Variants in JAKMIP2 observed in about 807,000 individuals in gnomAD.
JAKMIP2 encodes janus kinase and microtubule interacting protein 2.
A neutral mutation model predicts 115.0 loss-of-function variants in JAKMIP2; 25 were observed. That is an observed-to-expected ratio of 0.22 (90% CI 0.16 to 0.30). The LOEUF (loss-of-function observed/expected upper bound fraction) is 0.30, where lower values mean the gene tolerates loss of function less well. Among genes scored for constraint, JAKMIP2 ranks in the 10% least tolerant of loss-of-function variants. JAKMIP2 has a pLI of 1.00. For synonymous variants in JAKMIP2, 334 were observed against 343.6 expected (o/e 0.97, Z 0.31); for missense variants, 642 against 957.6 (o/e 0.67, Z 4.35).
intron 14 of JAKMIP2, 146 bp from the exon 15 acceptor site, chr5:147,629,892 AT>A: frequency 3.2e-6 from 2 of 629,698 alleles, no homozygotes; most frequent in East Asian, 5.6e-5. Context: ...TTAAGTTTCA[AT>A]TTTGCTTCTT....
At position 147,678,959 on chromosome 5, in the gene JAKMIP2, T is replaced by TTTTATTTA. The variant is rs60338770; in HGVS notation, c.-148-7013_-148-7006dup. On this transcript the variant is annotated intron_variant, in intron 1 of 21. Transcript: ENST00000616793. ...ATACTGTTTTGATGTCCAACTACAT[T>TTTTATTTA]TTTATTTATTTATTTATTTATTTAT... Among the ~76,000 whole-genome samples, 149 of 148,002 alleles carry TTTTATTTA rather than the reference T, an allele frequency of 1.0e-3. 1 individual carries two copies. Among genetic ancestry groups the TTTTATTTA allele is most frequent in the Middle Eastern group, 3.4e-3 (1 of 292 alleles).
chr5:147,636,355 T>C, intron 11 of JAKMIP2, 71 bp from the exon 12 acceptor site: 1 of 1,300,738 alleles, frequency 7.7e-7, no homozygotes, highest in Non-Finnish European at 1.1e-6. Context: ...GTCAAACCAC[T>C]TTGCCAGAGC....
intron 1 of JAKMIP2, among the ~76,000 whole-genome samples, chr5:147,765,312 G>C (rs1561583144): frequency 6.6e-6 from 1 of 152,036 alleles, no homozygotes; most frequent in South Asian, 2.1e-4. Context: ...TTAGTAGATA[G>C]GACATGAAGA....
intron 1 of JAKMIP2, among the ~76,000 whole-genome samples, chr5:147,674,092 A>G (rs889077508): frequency 1.3e-5 from 2 of 152,220 alleles, no homozygotes; most frequent in South Asian, 4.1e-4. Flanking sequence ...CAAAACTAGC[A>G]TAACTAATGC....
chr5:147,733,055 A>G (rs533719442), intron 1 of JAKMIP2, among the ~76,000 whole-genome samples: 3 of 152,144 alleles, frequency 2.0e-5, no homozygotes, highest in Non-Finnish European at 4.4e-5. Flanking sequence ...TTAGGTGAGG[A>G]TTTTTTCAAT....
intron 19 of JAKMIP2, 120 bp from the exon 20 acceptor site, chr5:147,612,491 G>A: frequency 1.7e-6 from 1 of 587,176 alleles, no homozygotes; most frequent in Non-Finnish European, 3.0e-6. Flanking sequence ...ACAAGCAGCT[G>A]GAAACATCGC....
intron 5 of JAKMIP2, among the ~76,000 whole-genome samples, chr5:147,645,325 G>A (rs1758083328): frequency 6.6e-6 from 1 of 152,062 alleles, no homozygotes; most frequent in Non-Finnish European, 1.5e-5. Context: ...ACTCCACCGT[G>A]CTCAGCTGCA....
rs1263856819 is a variant in JAKMIP2, at chr5:147,609,012, G to A, written c.2412+3294C>T. On this transcript the variant is annotated intron_variant, in intron 20 of 21. Transcript: ENST00000616793. ...GAATTGCAACCCCAGCTTTTTTTTT[G>A]CTTTCCATTTGCTTGGTAAATCTTT... is the stretch of plus-strand genomic sequence containing the variant. Among the ~76,000 whole-genome samples, 3 of 97,270 alleles carry A rather than the reference G, an allele frequency of 3.1e-5. No homozygotes were observed. The East Asian group carries it at 9.5e-4, about 31-fold the overall frequency. 63.8% of individuals were successfully genotyped at this position (97,270 alleles called of 152,430 possible).
At chr5:147,692,524 T>C (rs1191861049) in intron 1 of JAKMIP2, among the ~76,000 whole-genome samples, 2 of 152,242 alleles carry the variant, frequency 1.3e-5, no homozygotes, top group African/African-American at 4.8e-5. Context: ...CTAAATAACA[T>C]GTATCACAGC....
At chr5:147,781,588 CAT>C (rs1755758578) in intron 1 of JAKMIP2, among the ~76,000 whole-genome samples, 2 of 152,176 alleles carry the variant, frequency 1.3e-5, no homozygotes, top group African/African-American at 4.8e-5. Context: ...TACAAATTTG[CAT>C]CTAGTTCTAT....
At chr5:147,660,117 A>C (rs1474361427) in intron 3 of JAKMIP2, among the ~76,000 whole-genome samples, 4 of 152,234 alleles carry the variant, frequency 2.6e-5, no homozygotes, top group Non-Finnish European at 5.9e-5. Flanking sequence ...GATGCTAAAC[A>C]TCCGAATGCA....
At chr5:147,739,663 G>C (rs760827942) in intron 1 of JAKMIP2, among the ~76,000 whole-genome samples, 3 of 152,124 alleles carry the variant, frequency 2.0e-5, no homozygotes, top group Non-Finnish European at 4.4e-5. Context: ...GCAGCATCAT[G>C]GTTCAAGCAA....
chr5:147,666,620 G>A (rs1447370900), intron 2 of JAKMIP2, among the ~76,000 whole-genome samples: 1 of 152,162 alleles, frequency 6.6e-6, no homozygotes, highest in Non-Finnish European at 1.5e-5. Flanking sequence ...CTTTACATAA[G>A]AACAATGTAA....
chr5:147,597,161 G>C (rs979800581), intron 21 of JAKMIP2, among the ~76,000 whole-genome samples: 3 of 151,990 alleles, frequency 2.0e-5, no homozygotes, highest in Non-Finnish European at 4.4e-5. Flanking sequence ...GGGATTACAG[G>C]AGTGAGCCAC....
At chr5:147,759,554 A>T (rs1754861140) in intron 1 of JAKMIP2, among the ~76,000 whole-genome samples, 1 of 152,146 alleles carries the variant, frequency 6.6e-6, no homozygotes, top group Admixed American at 6.6e-5. Context: ...ATCAATGATA[A>T]GTGTAATATA....
At chr5:147,615,815 C>T (rs1756544250) in intron 19 of JAKMIP2, among the ~76,000 whole-genome samples, 1 of 152,038 alleles carries the variant, frequency 6.6e-6, no homozygotes, top group Non-Finnish European at 1.5e-5. Flanking sequence ...CTAGGAAAAA[C>T]ATTTAAAAGT....
intron 1 of JAKMIP2, among the ~76,000 whole-genome samples, chr5:147,725,400 A>T (rs1753478936): frequency 6.6e-6 from 1 of 152,046 alleles, no homozygotes; most frequent in South Asian, 2.1e-4. Flanking sequence ...GCTTGCTTTC[A>T]TTTTACTCTG....
At chr5:147,776,718 A>G (rs1755570674) in intron 1 of JAKMIP2, among the ~76,000 whole-genome samples, 1 of 152,196 alleles carries the variant, frequency 6.6e-6, no homozygotes. Flanking sequence ...ACTTGAGGTC[A>G]GGAGTTTAAG....
At chr5:147,650,808 A>G (rs892825104) in intron 3 of JAKMIP2, among the ~76,000 whole-genome samples, 15 of 152,138 alleles carry the variant, frequency 9.9e-5, no homozygotes, top group African/African-American at 3.6e-4. Flanking sequence ...ATATTGTTTG[A>G]AATAGTCTGG....
Sources: gnomAD v4.1 joint callset for allele counts (sites outside exome capture counted in the v4.1 genomes callset) on GRCh38, gnomAD v4.1.1 for gene constraint, MANE v1.5 for transcripts, NCBI Gene and HGNC (gene_info 2026-07-23, HGNC 2026-07-21) for gene names.